Variants in CDK17 observed in about 807,000 individuals in gnomAD.
CDK17 encodes cyclin-dependent kinase 17.
CDK17 carries 24 observed loss-of-function variants against 77.6 expected under a neutral mutation model. The ratio of observed to expected loss-of-function variants is 0.31; its 90% CI spans 0.22 to 0.44. CDK17 has a LOEUF of 0.44. Ranked by LOEUF, CDK17 falls within the 20% of genes least tolerant of loss-of-function variation. CDK17 has a pLI of 1.00. For missense variants in CDK17, 429 were observed against 622.5 expected (o/e 0.69, Z 3.31); for synonymous variants, 203 against 210.4 (o/e 0.96, Z 0.30).
chr12:96,399,644 C>G (rs1954226714), intron 1 of CDK17, among the ~76,000 whole-genome samples: 1 of 152,128 alleles, frequency 6.6e-6, no homozygotes, highest in Non-Finnish European at 1.5e-5. Context: ...TCCTCCGCCT[C>G]GCGAGGAGAC....
chr12:96,372,387 A>G (rs1805857513), intron 1 of CDK17, among the ~76,000 whole-genome samples: 1 of 152,186 alleles, frequency 6.6e-6, no homozygotes, highest in Non-Finnish European at 1.5e-5. Context: ...TCTCAAAACT[A>G]TAAAACTACC....
intron 5 of CDK17, among the ~76,000 whole-genome samples, chr12:96,310,046 T>C (rs1173987946): frequency 1.3e-5 from 2 of 152,150 alleles, no homozygotes; most frequent in Non-Finnish European, 2.9e-5. Flanking sequence ...GAAGCATTAT[T>C]TGGTAATAGC....
At chr12:96,355,759 G>C (rs765480838) in intron 1 of CDK17, among the ~76,000 whole-genome samples, 7 of 152,130 alleles carry the variant, frequency 4.6e-5, no homozygotes, top group Non-Finnish European at 7.3e-5. Context: ...CTTAAGAACA[G>C]GGAATTAATA....
chr12:96,355,086 GT>G (rs1488729805), intron 1 of CDK17, among the ~76,000 whole-genome samples: 1 of 151,996 alleles, frequency 6.6e-6, no homozygotes, highest in Non-Finnish European at 1.5e-5. Flanking sequence ...TTCTTAAATG[GT>G]TTATGAGGTC....
intron 1 of CDK17, among the ~76,000 whole-genome samples, chr12:96,388,405 C>G (rs1261800696): frequency 6.6e-6 from 1 of 152,160 alleles, no homozygotes; most frequent in Non-Finnish European, 1.5e-5. Flanking sequence ...CCTCCACCCC[C>G]AAACATACAA....
At chr12:96,342,717 C>A (rs1196752501) in intron 1 of CDK17, among the ~76,000 whole-genome samples, 1 of 152,122 alleles carries the variant, frequency 6.6e-6, no homozygotes, top group Admixed American at 6.5e-5. Flanking sequence ...GTAATCTCAG[C>A]AATTTGGGAG....
intron 1 of CDK17, among the ~76,000 whole-genome samples, chr12:96,398,822 T>C (rs751015401): frequency 4.6e-5 from 7 of 152,188 alleles, no homozygotes; most frequent in Non-Finnish European, 7.3e-5. Context: ...TGATGTCAAT[T>C]TGACGAAGAG....
intron 3 of CDK17, among the ~76,000 whole-genome samples, chr12:96,313,728 A>G (rs999088215): frequency 6.6e-6 from 1 of 152,214 alleles, no homozygotes; most frequent in African/African-American, 2.4e-5. Context: ...ACTGGAAATA[A>G]TATCTCTGAG....
chr12:96,380,740 C>A lies in CDK17; in HGVS notation c.-30+19246G>T, dbSNP rs116042400. Among the ~76,000 whole-genome samples, 596 of 152,270 alleles carry A rather than the reference C, an allele frequency of 3.9e-3. 2 individuals are homozygous for A. Among genetic ancestry groups the A allele is most frequent in the African/African-American group, 0.014 (580 of 41,538 alleles). On this transcript the variant is annotated intron_variant, in intron 1 of 16. Transcript: ENST00000261211. ...CTTCACTATAGAAAACAATGATATT[C>A]TGCCTAAAAAGTGTTCAACAGCCTC...
At chr12:96,332,996 C>G (rs994237701) in intron 2 of CDK17, among the ~76,000 whole-genome samples, 1 of 152,046 alleles carries the variant, frequency 6.6e-6, no homozygotes, top group African/African-American at 2.4e-5. Context: ...AGAGGATTGT[C>G]TTGTAGTCAA....
At chr12:96,351,612 A>C (rs904631636) in intron 1 of CDK17, among the ~76,000 whole-genome samples, 1 of 152,230 alleles carries the variant, frequency 6.6e-6, no homozygotes, top group Non-Finnish European at 1.5e-5. Flanking sequence ...GTTACACAAA[A>C]TTTCAATCTT....
intron 5 of CDK17, among the ~76,000 whole-genome samples, chr12:96,304,873 G>A (rs1311697455): frequency 6.6e-6 from 1 of 152,122 alleles, no homozygotes; most frequent in African/African-American, 2.4e-5. Context: ...TTTCTCACCT[G>A]CTCTGAGAAT....
At chr12:96,283,667 T>TA in intron 13 of CDK17, 22 bp from the exon 14 acceptor site, 1 of 1,532,328 alleles carries the variant, frequency 6.5e-7, no homozygotes, top group Non-Finnish European at 9.0e-7. Context: ...AAAGAACAAG[T>TA]AAAAATTTAT....
At chr12:96,383,869 AG>A (rs1204505104) in intron 1 of CDK17, among the ~76,000 whole-genome samples, 1 of 152,232 alleles carries the variant, frequency 6.6e-6, no homozygotes, top group Non-Finnish European at 1.5e-5. Flanking sequence ...TTTATGGCTA[AG>A]TCCCCAAAAA....
At chr12:96,300,418 G>C in intron 5 of CDK17, 58 bp from the exon 6 acceptor site, 1 of 972,284 alleles carries the variant, frequency 1.0e-6, no homozygotes, top group Non-Finnish European at 1.6e-6. Context: ...TTTTGAGACA[G>C]CATCGTCTCA....
intron 1 of CDK17, among the ~76,000 whole-genome samples, chr12:96,357,527 TCG>T: frequency 6.6e-6 from 1 of 152,248 alleles, no homozygotes; most frequent in South Asian, 2.1e-4. Context: ...ATGAACACTC[TCG>T]GTCGTGAGTG....
chr12:96,303,462 A>G lies in CDK17; in HGVS notation c.544-3102T>C, dbSNP rs573500234. On this transcript the variant is annotated intron_variant, in intron 5 of 16. Transcript: ENST00000261211. ...ATTTGGGAAAAATTTTCAATTAGCA[A>G]TAACTGTGCCTTGGATAAACCTCGG... 9 of 152,266 alleles carry G rather than the reference A, an allele frequency of 5.9e-5. No homozygotes were observed. In the East Asian group the frequency reaches 1.5e-3, roughly 26 times the overall value. The allele number at this position is 152,266 out of a possible 1,614,324, so 9.4% of individuals were successfully genotyped here. A position where few individuals can be genotyped will look rare whatever the true frequency, so the allele number is the denominator to read the frequency against.
intron 2 of CDK17, among the ~76,000 whole-genome samples, chr12:96,325,614 T>C (rs1952883178): frequency 6.6e-6 from 1 of 152,134 alleles, no homozygotes; most frequent in Admixed American, 6.5e-5. Context: ...TCACCCAAGG[T>C]CCAAGCTATC....
chr12:96,295,795 C>T (rs1220160970), intron 9 of CDK17, among the ~76,000 whole-genome samples: 1 of 152,152 alleles, frequency 6.6e-6, no homozygotes, highest in East Asian at 1.9e-4. Context: ...CTGAATGACT[C>T]TGAAAAAAGT....
Sources: allele counts gnomAD v4.1 joint callset (sites outside exome capture counted in the v4.1 genomes callset), GRCh38; gene constraint gnomAD v4.1.1; transcripts MANE v1.5; gene names NCBI Gene and HGNC (gene_info 2026-07-23, HGNC 2026-07-21).